The following MNAT1 variants were observed in gnomAD, a reference collection of about 807,000 sequenced individuals.
MNAT1 encodes the protein CDK-activating kinase assembly factor MAT1.
A neutral mutation model predicts 42.0 loss-of-function variants in MNAT1; 43 were observed. That is an observed-to-expected ratio of 1.02 (90% CI 0.80 to 1.32). The LOEUF (loss-of-function observed/expected upper bound fraction) is 1.32, where lower values mean the gene tolerates loss of function less well. Ranked by LOEUF, MNAT1 falls within the 40% of genes most tolerant of loss-of-function variation. The probability of loss-of-function intolerance (pLI) is 0.00; values close to 1 mark genes in which losing one functional copy is unlikely to be tolerated. For missense variants in MNAT1, 306 were observed against 350.4 expected (o/e 0.87, Z 1.01); for synonymous variants, 118 against 120.0 (o/e 0.98, Z 0.11).
intron 6 of MNAT1, among the ~76,000 whole-genome samples, chr14:60,832,404 A>G (rs748157780): frequency 1.8e-4 from 27 of 152,178 alleles, no homozygotes; most frequent in Non-Finnish European, 3.7e-4. Flanking sequence ...ATGGCTAGCC[A>G]GTTTTCCTGG....
intron 6 of MNAT1, among the ~76,000 whole-genome samples, chr14:60,859,215 C>T (rs76936392): frequency 0.039 from 5,863 of 152,218 alleles, 222 homozygotes; most frequent in African/African-American, 0.1. Context: ...AGGCATATCT[C>T]TTGCCTATTT....
chr14:60,818,510 A>C (rs1046061513), intron 5 of MNAT1, among the ~76,000 whole-genome samples: 3 of 152,018 alleles, frequency 2.0e-5, no homozygotes, highest in Non-Finnish European at 2.9e-5. Flanking sequence ...GATTTTATAA[A>C]AATACTTGTT....
At chr14:60,920,645 G>A (rs938870457) in intron 7 of MNAT1, among the ~76,000 whole-genome samples, 1 of 151,978 alleles carries the variant, frequency 6.6e-6, no homozygotes, top group Non-Finnish European at 1.5e-5. Flanking sequence ...GTTTCACCAT[G>A]TTGGCCAGGT....
chr14:60,960,244 A>G (rs1040680287), intron 7 of MNAT1, among the ~76,000 whole-genome samples: 4 of 152,072 alleles, frequency 2.6e-5, no homozygotes, highest in African/African-American at 9.7e-5. Context: ...GCAACTCTAG[A>G]AAGGAGGGGA....
At chr14:60,861,542 G>C (rs974400770) in intron 6 of MNAT1, among the ~76,000 whole-genome samples, 5 of 138,096 alleles carry the variant, frequency 3.6e-5, no homozygotes, top group African/African-American at 1.3e-4. Flanking sequence ...AAAAAAATCA[G>C]TTTAATATTG....
At chr14:60,739,124 A>G (rs1896391800) in intron 1 of MNAT1, among the ~76,000 whole-genome samples, 1 of 152,112 alleles carries the variant, frequency 6.6e-6, no homozygotes, top group Non-Finnish European at 1.5e-5. Flanking sequence ...AGGGCTACTT[A>G]TGACGTGGCT....
chr14:60,782,567 G>C lies in MNAT1; in HGVS notation c.90-13650G>C, dbSNP rs78684486. Among the ~76,000 whole-genome samples, 902 of 152,140 alleles carry C rather than the reference G, an allele frequency of 5.9e-3. 4 individuals are homozygous for C. Among genetic ancestry groups the C allele is most frequent in the Middle Eastern group, 0.01 (3 of 294 alleles). On this transcript the variant is annotated intron_variant, in intron 1 of 7. Transcript: ENST00000261245. Reference sequence around the variant, plus strand: ...TCCTTTGAAATCTGGTCCTTACTGGGTATTCCTTGTATTAAGTAATATTTC... The same window carrying C: ...TCCTTTGAAATCTGGTCCTTACTGGCTATTCCTTGTATTAAGTAATATTTC...
intron 6 of MNAT1, among the ~76,000 whole-genome samples, chr14:60,839,637 C>G (rs1487694639): frequency 1.3e-5 from 2 of 152,230 alleles, no homozygotes. Flanking sequence ...GACCTAGGAG[C>G]TCCCAGAGCC....
At chr14:60,925,232 G>C (rs977342712) in intron 7 of MNAT1, among the ~76,000 whole-genome samples, 1 of 152,120 alleles carries the variant, frequency 6.6e-6, no homozygotes. Context: ...TATGCTCCCT[G>C]GTGTCCAGGG....
At chr14:60,913,830 A>G (rs1286360768) in intron 7 of MNAT1, among the ~76,000 whole-genome samples, 2 of 152,198 alleles carry the variant, frequency 1.3e-5, no homozygotes, top group East Asian at 3.9e-4. Context: ...TGCGTGCTGG[A>G]AGAACCACTA....
intron 7 of MNAT1, among the ~76,000 whole-genome samples, chr14:60,908,258 T>C (rs2035257888): frequency 6.6e-6 from 1 of 152,230 alleles, no homozygotes; most frequent in Non-Finnish European, 1.5e-5. Context: ...TAATTATGTG[T>C]ACAAAGTGCT....
At chr14:60,917,112 A>G (rs971131267) in intron 7 of MNAT1, among the ~76,000 whole-genome samples, 1 of 152,190 alleles carries the variant, frequency 6.6e-6, no homozygotes, top group Non-Finnish European at 1.5e-5. Flanking sequence ...CCCTAAACAC[A>G]TAGAAGAAGT....
At chr14:60,966,899 A>T (rs985502226) in intron 7 of MNAT1, among the ~76,000 whole-genome samples, 23 of 151,996 alleles carry the variant, frequency 1.5e-4, no homozygotes, top group African/African-American at 5.6e-4. Context: ...TTATGTATAT[A>T]ATTATATATA....
In MNAT1 at chr14:60,741,184, A is replaced by G. The variant is rs370306130; in HGVS notation, c.89+6233A>G. 5.9e-5 allele frequency among the ~76,000 whole-genome samples: 9 copies of G among 152,184 alleles called. No individual in the cohort carries two copies. The East Asian group carries it at 9.7e-4, about 16-fold the overall frequency. ...CACTGTCAGATTTCTTGTGCTTACT[A>G]TTTGATAGTGTGCATTTTTCCGTTC... On this transcript the variant is annotated intron_variant, in intron 1 of 7. Transcript: ENST00000261245.
intron 1 of MNAT1, among the ~76,000 whole-genome samples, chr14:60,770,919 A>G (rs1332630805): frequency 6.6e-6 from 1 of 152,060 alleles, no homozygotes; most frequent in African/African-American, 2.4e-5. Context: ...ACTGTACTGC[A>G]TTTTATTTAT....
chr14:60,798,832 C>T (rs1312069028), intron 3 of MNAT1, among the ~76,000 whole-genome samples: 2 of 151,864 alleles, frequency 1.3e-5, no homozygotes, highest in African/African-American at 2.4e-5. Context: ...TTACTAAGTG[C>T]GGGTTTGGAA....
chr14:60,898,772 T>C (rs919430306), intron 7 of MNAT1, among the ~76,000 whole-genome samples: 1 of 152,148 alleles, frequency 6.6e-6, no homozygotes, highest in Admixed American at 6.5e-5. Flanking sequence ...ATAGTTCCAT[T>C]TGTCTATTTT....
chr14:60,878,445 A>G (rs1453076389), intron 6 of MNAT1, among the ~76,000 whole-genome samples: 3 of 152,140 alleles, frequency 2.0e-5, no homozygotes, highest in Admixed American at 1.3e-4. Context: ...TGGATACCTA[A>G]TGATTTCCCA....
intron 7 of MNAT1, among the ~76,000 whole-genome samples, chr14:60,884,177 C>T (rs143292792): frequency 2.4e-4 from 36 of 152,150 alleles, no homozygotes; most frequent in African/African-American, 7.9e-4. Flanking sequence ...AGTTTTCCCC[C>T]ATTCAGTATA....
Sources: gnomAD v4.1 joint callset for allele counts (sites outside exome capture counted in the v4.1 genomes callset) on GRCh38, gnomAD v4.1.1 for gene constraint, MANE v1.5 for transcripts, NCBI Gene and HGNC (gene_info 2026-07-23, HGNC 2026-07-21) for gene names.